The following SLC11A2 variants were observed in gnomAD, a reference collection of about 807,000 sequenced individuals.
SLC11A2 encodes the protein natural resistance-associated macrophage protein 2.
In SLC11A2, 38 loss-of-function variants were observed where a neutral mutation model predicts 68.0. That is an observed-to-expected ratio of 0.56 (90% CI 0.43 to 0.73). SLC11A2 has a LOEUF of 0.73. Among genes scored for constraint, SLC11A2 ranks in the 30% least tolerant of loss-of-function variants. The pLI, the probability that SLC11A2 is intolerant of heterozygous loss-of-function variation, is 0.00. For missense variants in SLC11A2, 517 were observed against 690.5 expected, an observed-to-expected ratio of 0.75 and a Z score of 2.82; for synonymous variants, 242 against 250.6, an observed-to-expected ratio of 0.97 and a Z score of 0.32.
At chr12:51,015,236 G>C (rs1189699739) in intron 1 of SLC11A2, among the ~76,000 whole-genome samples, 1 of 149,918 alleles carries the variant, frequency 6.7e-6, no homozygotes, top group Non-Finnish European at 1.5e-5. Flanking sequence ...AGCACTTTGG[G>C]AGGCTGAGGC....
intron 15 of SLC11A2, 32 bp from the exon 16 acceptor site, chr12:50,988,467 G>C: frequency 6.2e-7 from 1 of 1,613,318 alleles, no homozygotes; most frequent in Non-Finnish European, 8.5e-7. Context: ...TCACTCACCA[G>C]GCTCTTTGAA....
upstream of SLC11A2, chr12:51,028,287 C>T (rs921653377): frequency 1.3e-5 from 17 of 1,334,488 alleles, no homozygotes; most frequent in Admixed American, 1.6e-4. Flanking sequence ...AAGACAAGTG[C>T]GCCTCCCTCA....
chr12:50,991,456 C>G (rs1372997621), intron 14 of SLC11A2, 143 bp downstream of exon 14: 3 of 713,244 alleles, frequency 4.2e-6, no homozygotes, highest in African/African-American at 1.8e-5. Context: ...TTTCCATTCT[C>G]TAAGCCAAAG....
chr12:51,006,718 T>C (rs900167842), intron 3 of SLC11A2, among the ~76,000 whole-genome samples: 1 of 152,138 alleles, frequency 6.6e-6, no homozygotes, highest in African/African-American at 2.4e-5. Flanking sequence ...CAGCCCCTCA[T>C]TTTAGACCAG....
In SLC11A2 at chr12:50,986,058, TCA is replaced by T. The variant is rs1282991574; in HGVS notation, c.*2265_*2266del. ...ATACGGTTAAATGGTTACTAAAAGC[TCA>T]GTTGTAACCACTCCTAACACCACTA... is the stretch of plus-strand genomic sequence containing the variant. On this transcript the variant is annotated 3_prime_UTR_variant, in exon 16 of 16. Coordinates refer to ENST00000262052, the MANE Select transcript of SLC11A2 (RefSeq NM_000617.3). 1 of 1,246,924 alleles carries T rather than the reference TCA, an allele frequency of 8.0e-7. No individual in the cohort carries two copies. The highest frequency in any genetic ancestry group is 5.7e-5 in the East Asian group (1 of 17,486). 77.2% of individuals were successfully genotyped at this position (1,246,924 alleles called of 1,614,324 possible). A position where few individuals can be genotyped will look rare whatever the true frequency, so the allele number is the denominator to read the frequency against.
chr12:50,996,671 T>C, intron 9 of SLC11A2, 146 bp downstream of exon 9: 1 of 774,216 alleles, frequency 1.3e-6, no homozygotes. Context: ...CATCTAAGTA[T>C]ATGGAGTTTA....
the SLC11A2 span, among the ~76,000 whole-genome samples, chr12:50,969,267 CT>C: frequency 1.3e-5 from 2 of 151,824 alleles, no homozygotes; most frequent in Non-Finnish European, 2.9e-5. Context: ...GCACTCCAGC[CT>C]GGGCAAGACA....
At chr12:50,973,274 G>A in the SLC11A2 span, among the ~76,000 whole-genome samples, 2 of 152,250 alleles carry the variant, frequency 1.3e-5, no homozygotes, top group Admixed American at 6.5e-5. Context: ...ACACGGCCGG[G>A]TATCCCTCTG....
chr12:50,956,348 C>T, the SLC11A2 span, among the ~76,000 whole-genome samples: 2 of 152,146 alleles, frequency 1.3e-5, no homozygotes, highest in South Asian at 2.1e-4. Flanking sequence ...GCCAAGATTG[C>T]GCCACTGCAC....
the SLC11A2 span, among the ~76,000 whole-genome samples, chr12:50,956,542 A>G: frequency 6.6e-6 from 1 of 152,232 alleles, no homozygotes; most frequent in Non-Finnish European, 1.5e-5. Context: ...AGCAACTTCC[A>G]TCATTATAAA....
In SLC11A2 at chr12:50,995,626, C is replaced by T. The variant is rs376046838; in HGVS notation, c.990+3G>A. The stretch of plus-strand genomic sequence containing the variant: ...CTACCACCCATAACCCTGGCTTACT[C>T]ACCACCTGCTCGTTGGTTTTCCCAA... On this transcript the variant is annotated splice_donor_region_variant and intron_variant, in intron 10 of 15. Coordinates refer to ENST00000262052, the MANE Select transcript of SLC11A2 (RefSeq NM_000617.3). 4.8e-5 allele frequency: 77 copies of T among 1,614,110 alleles called. No individual in the cohort carries two copies. The African/African-American group carries it at 8.0e-4, about 17-fold the overall frequency.
the SLC11A2 span, among the ~76,000 whole-genome samples, chr12:50,969,695 T>C: frequency 7.1e-6 from 1 of 140,600 alleles, no homozygotes; most frequent in Non-Finnish European, 1.5e-5. Context: ...AGAGCAAGAC[T>C]CCATCTCAAA....
rs1940509434 is a variant in SLC11A2, at chr12:50,986,034, T to C, written c.*2291A>G. The C allele has an allele frequency of 8.5e-7, 1 of 1,171,418 alleles. No homozygotes were observed. Among genetic ancestry groups the C allele is most frequent in the Admixed American group, 4.0e-5 (1 of 24,806 alleles). 72.6% of individuals were successfully genotyped at this position (1,171,418 alleles called of 1,614,324 possible). A position where few individuals can be genotyped will look rare whatever the true frequency, so the allele number is the denominator to read the frequency against. ...TTTTTAATTAGAAACCAAGTTTACA[T>C]ACGGTTAAATGGTTACTAAAAGCTC... On this transcript the variant is annotated 3_prime_UTR_variant, in exon 16 of 16. Transcript: ENST00000262052.
At chr12:50,993,030 C>T in intron 11 of SLC11A2, 101 bp from the exon 12 acceptor site, 2 of 1,339,580 alleles carry the variant, frequency 1.5e-6, no homozygotes, top group Non-Finnish European at 2.1e-6. Flanking sequence ...CTTTGCTATG[C>T]ACCACCAACA....
chr12:50,984,315 A>G (rs1245247679), downstream of SLC11A2, among the ~76,000 whole-genome samples: 1 of 152,182 alleles, frequency 6.6e-6, no homozygotes, highest in African/African-American at 2.4e-5. Flanking sequence ...GGGCTAGGAA[A>G]ACACTGTATT....
the SLC11A2 span, among the ~76,000 whole-genome samples, chr12:50,970,230 GTTGATA>G: frequency 7.2e-5 from 11 of 152,122 alleles, no homozygotes; most frequent in African/African-American, 2.2e-4. Flanking sequence ...ATAAATTTAA[GTTGATA>G]TTGATTTGAA....
downstream of SLC11A2, among the ~76,000 whole-genome samples, chr12:50,975,345 A>G (rs1041462349): frequency 2.0e-5 from 3 of 152,110 alleles, no homozygotes; most frequent in Non-Finnish European, 1.5e-5. Context: ...CTCACTCAAA[A>G]CCGCTCAACT....
the SLC11A2 span, among the ~76,000 whole-genome samples, chr12:50,964,444 G>A: frequency 6.6e-6 from 1 of 152,208 alleles, no homozygotes; most frequent in Non-Finnish European, 1.5e-5. Context: ...GGACATGGGA[G>A]TACCAAGAAG....
At chr12:50,952,296 C>G in the SLC11A2 span, among the ~76,000 whole-genome samples, 1 of 152,160 alleles carries the variant, frequency 6.6e-6, no homozygotes, top group Middle Eastern at 3.4e-3. Context: ...AAGAAAGAAA[C>G]ATGTTAATAA....
Sources: gnomAD v4.1 joint callset for allele counts (sites outside exome capture counted in the v4.1 genomes callset) on GRCh38, gnomAD v4.1.1 for gene constraint, MANE v1.5 for transcripts, NCBI Gene and HGNC (gene_info 2026-07-23, HGNC 2026-07-21) for gene names.